The following C9orf85 variants were observed in gnomAD, a reference collection of about 807,000 sequenced individuals.
C9orf85 encodes chromosome 9 open reading frame 85, also known as uncharacterized protein C9orf85.
C9orf85 carries 16 observed loss-of-function variants against 14.9 expected under a neutral mutation model. The ratio of observed to expected loss-of-function variants is 1.08; its 90% CI spans 0.73 to 1.63. C9orf85 has a LOEUF of 1.63. C9orf85 is among the 40% of genes most tolerant of loss of function. C9orf85 has a pLI of 0.00. For missense variants in C9orf85, 172 were observed against 186.1 expected, an observed-to-expected ratio of 0.92 and a Z score of 0.44; for synonymous variants, 45 against 56.8, an observed-to-expected ratio of 0.79 and a Z score of 0.93.
At position 71,947,063 on chromosome 9, in the gene C9orf85, T is replaced by A; in HGVS notation, c.160T>A (p.Trp54Arg). 1.2e-6 allele frequency: 2 copies of A among 1,613,570 alleles called. No homozygotes were observed. Among genetic ancestry groups the A allele is most frequent in the South Asian group, 1.1e-5 (1 of 91,042 alleles). Residue 54 changes from tryptophan (W) to arginine (R), a missense_variant, in exon 2 of 4, where the codon TGG (tryptophan) becomes AGG (arginine). Physicochemically the swap from Trp to Arg is moderately radical, Grantham distance 101. Coordinates refer to ENST00000334731, the MANE Select transcript of C9orf85 (RefSeq NM_182505.5). ...VCQRCKEVLE[W>R]RVKYSKYKPL... The stretch of plus-strand genomic sequence containing the variant: ...TCAGCGCTGTAAAGAAGTTCTTGAG[T>A]GGCGTGTAAAATACAGCAAATACAA...
At chr9:71,962,128 T>C (rs930112141) in intron 2 of C9orf85, among the ~76,000 whole-genome samples, 14 of 152,194 alleles carry the variant, frequency 9.2e-5, no homozygotes, top group Admixed American at 9.2e-4. Context: ...ATTGCACTAC[T>C]GTACTCCAGC....
At chr9:71,958,176 G>GC (rs1342853069) in intron 2 of C9orf85, among the ~76,000 whole-genome samples, 2 of 150,110 alleles carry the variant, frequency 1.3e-5, no homozygotes, top group East Asian at 3.9e-4. Flanking sequence ...AAGATCCCAA[G>GC]TACTTCAAGC....
chr9:71,976,733 T>G (rs17057323), downstream of C9orf85, among the ~76,000 whole-genome samples: 6,923 of 151,316 alleles, frequency 0.046, 557 homozygotes, highest in African/African-American at 0.16. Flanking sequence ...CCAGGATTTT[T>G]TTTTTTTCAA....
chr9:71,966,729 A>G (rs373542159), intron 2 of C9orf85, among the ~76,000 whole-genome samples: 17 of 152,288 alleles, frequency 1.1e-4, no homozygotes, highest in African/African-American at 4.1e-4. Flanking sequence ...GTGGAAAGAC[A>G]GTTATGAGTG....
intron 1 of C9orf85, among the ~76,000 whole-genome samples, chr9:71,922,727 C>T (rs1827843751): frequency 6.6e-6 from 1 of 152,254 alleles, no homozygotes; most frequent in Non-Finnish European, 1.5e-5. Flanking sequence ...GCTACATACA[C>T]ATGGATAATC....
In C9orf85 at chr9:71,916,137, C is replaced by T. The variant is rs376067397; in HGVS notation, c.102+4301C>T. Among the ~76,000 whole-genome samples the T allele has an allele frequency of 3.1e-4, 47 of 152,194 alleles. 1 individual carries two copies. The highest frequency in any genetic ancestry group is 7.9e-4 in the Admixed American group (12 of 15,278). ...TACAGCAGTAAGAGCTATGAAAGAA[C>T]GGTCTAGGGAGCCCTGAGAGTATCT... On this transcript the variant is annotated intron_variant, in intron 1 of 3. Transcript: ENST00000334731.
At chr9:71,978,611 G>A (rs1316601285) in intron 3 of C9orf85, among the ~76,000 whole-genome samples, 3 of 152,140 alleles carry the variant, frequency 2.0e-5, no homozygotes, top group Non-Finnish European at 4.4e-5. Flanking sequence ...CAGAATAGTG[G>A]TTATCTTTGG....
chr9:71,941,887 T>C (rs1353809927), intron 1 of C9orf85: 1 of 152,212 alleles, frequency 6.6e-6, no homozygotes, highest in Admixed American at 6.5e-5. Flanking sequence ...AGTGTCTTGA[T>C]ATCCATAAGT....
At chr9:71,918,426 C>T (rs1564081517) in intron 1 of C9orf85, 4 of 1,303,024 alleles carry the variant, frequency 3.1e-6, no homozygotes, top group Non-Finnish European at 4.0e-6. Flanking sequence ...TTTTGTAAGT[C>T]TTTATCTGCA....
chr9:71,966,400 C>T (rs1371974584), intron 2 of C9orf85, among the ~76,000 whole-genome samples: 1 of 152,036 alleles, frequency 6.6e-6, no homozygotes, highest in Non-Finnish European at 1.5e-5. Flanking sequence ...GTTTTCTTAG[C>T]AATGGACTCA....
At chr9:71,966,591 TGTGTGCATAC>T (rs1822697805) in intron 2 of C9orf85, among the ~76,000 whole-genome samples, 1 of 152,188 alleles carries the variant, frequency 6.6e-6, no homozygotes, top group Admixed American at 6.5e-5. Flanking sequence ...CAAATTTTAT[TGTGTGCATAC>T]GTGTGCACAG....
At chr9:71,921,730 G>A (rs529125186) in intron 1 of C9orf85, among the ~76,000 whole-genome samples, 1 of 152,188 alleles carries the variant, frequency 6.6e-6, no homozygotes, top group African/African-American at 2.4e-5. Context: ...ATTCTTTTTG[G>A]TTTACAAATG....
chr9:71,970,448 C>A (rs1822829112), intron 2 of C9orf85, among the ~76,000 whole-genome samples: 1 of 152,088 alleles, frequency 6.6e-6, no homozygotes, highest in Non-Finnish European at 1.5e-5. Context: ...TTCCTCCCGG[C>A]CAATTTTGTA....
Position 71,911,712 on chromosome 9 carries a change from G to C in C9orf85, c.-23G>C, listed in dbSNP as rs1415549953. 1.2e-6 allele frequency: 2 copies of C among 1,608,628 alleles called. No individual in the cohort carries two copies. Among genetic ancestry groups the C allele is most frequent in the Non-Finnish European group, 1.7e-6 (2 of 1,175,008 alleles). ...CCTCATCCTTTTGCCTGCTCCCGGC[G>C]AGGGGTGGCTTTGATTTCGGCGATG... On this transcript the variant is annotated 5_prime_UTR_variant, in exon 1 of 4. Coordinates refer to ENST00000334731, the MANE Select transcript of C9orf85 (RefSeq NM_182505.5).
intron 1 of C9orf85, 38 bp from the exon 2 acceptor site, chr9:71,946,968 C>G (rs376875575): frequency 6.8e-7 from 1 of 1,463,606 alleles, no homozygotes; most frequent in South Asian, 1.2e-5. Flanking sequence ...CTGGCTCACG[C>G]GTGAAATTCT....
chr9:71,955,639 C>T lies in C9orf85; in HGVS notation c.209+8527C>T, dbSNP rs998391337. The stretch of plus-strand genomic sequence containing the variant: ...AATAGTAGGTTACAGTCAGTTTACA[C>T]ATCAAGTTATGTTACAGTTCAGTAT... On this transcript the variant is annotated intron_variant, in intron 2 of 3. Coordinates refer to ENST00000334731, the MANE Select transcript of C9orf85 (RefSeq NM_182505.5). Among the ~76,000 whole-genome samples the T allele has an allele frequency of 3.3e-5, 5 of 152,278 alleles. No homozygotes were observed. In the South Asian group the frequency reaches 1.0e-3, roughly 32 times the overall value.
chr9:71,930,031 T>A (rs1017584219), intron 1 of C9orf85, among the ~76,000 whole-genome samples: 1 of 151,240 alleles, frequency 6.6e-6, no homozygotes, highest in Non-Finnish European at 1.5e-5. Flanking sequence ...GGAGAATTTT[T>A]ATACAGAATT....
chr9:71,946,290 A>G (rs1376647488), intron 1 of C9orf85, among the ~76,000 whole-genome samples: 2 of 152,224 alleles, frequency 1.3e-5, no homozygotes, highest in African/African-American at 4.8e-5. Context: ...CTGACAATTC[A>G]GGACAGCCCA....
intron 1 of C9orf85, among the ~76,000 whole-genome samples, chr9:71,928,857 C>A (rs1458385438): frequency 2.0e-5 from 3 of 151,992 alleles, no homozygotes; most frequent in Non-Finnish European, 4.4e-5. Context: ...TAATTTTATC[C>A]CTTAGATTTT....
Sources: gnomAD v4.1 joint callset for allele counts (sites outside exome capture counted in the v4.1 genomes callset) on GRCh38, gnomAD v4.1.1 for gene constraint, MANE v1.5 for transcripts, NCBI Gene and HGNC (gene_info 2026-07-23, HGNC 2026-07-21) for gene names.